ASB15: variants seen among roughly 807,000 people sequenced by gnomAD.
The protein encoded by ASB15 is ankyrin repeat and SOCS box containing 15, also known as ankyrin repeat and SOCS box protein 15.
A neutral mutation model predicts 58.0 loss-of-function variants in ASB15; 54 were observed. The observed-to-expected ratio is 0.93, with a 90% CI of 0.75 to 1.17. ASB15 has a LOEUF of 1.17. Ranked by LOEUF, ASB15 falls within the 50% of genes most tolerant of loss-of-function variation. ASB15 has a pLI of 0.00. For missense variants in ASB15, 680 were observed against 707.4 expected (o/e 0.96, Z 0.44); for synonymous variants, 249 against 262.4 (o/e 0.95, Z 0.50).
chr7:123,578,231 T>C (rs1199654306), intron 1 of ASB15, among the ~76,000 whole-genome samples: 2 of 150,794 alleles, frequency 1.3e-5, no homozygotes, highest in South Asian at 2.1e-4. Context: ...ACAAGCTACC[T>C]GCTGATATTT....
intron 7 of ASB15, among the ~76,000 whole-genome samples, chr7:123,622,139 C>G (rs1373653273): frequency 6.6e-6 from 1 of 152,146 alleles, no homozygotes. Flanking sequence ...ATCTAATTCC[C>G]TAAACTCTTC....
At chr7:123,590,120 T>C (rs2116353852) in intron 1 of ASB15, among the ~76,000 whole-genome samples, 1 of 152,320 alleles carries the variant, frequency 6.6e-6, no homozygotes, top group Non-Finnish European at 1.5e-5. Context: ...AATGTCTTCT[T>C]TTGAGAAGTG....
At chr7:123,590,399 G>A (rs1799501473) in intron 1 of ASB15, among the ~76,000 whole-genome samples, 1 of 152,092 alleles carries the variant, frequency 6.6e-6, no homozygotes, top group Admixed American at 6.6e-5. Flanking sequence ...CTTTGCTCAC[G>A]CCTATGTGCT....
At position 123,639,273 on chromosome 7, in the gene ASB15, A is replaced by G. The variant is rs1802540101; in HGVS notation, c.*2292A>G. ...AATTTTAACTTCTTGTATTCCCTAGAGGATATATTTTATATGTAAGTTAAA... is the reference window on the plus strand; with the variant it reads ...AATTTTAACTTCTTGTATTCCCTAGGGGATATATTTTATATGTAAGTTAAA... On this transcript the variant is annotated 3_prime_UTR_variant, in exon 12 of 12. Transcript: ENST00000451215. 1 of 152,192 alleles carries G rather than the reference A, an allele frequency of 6.6e-6. No homozygotes were observed. The highest frequency in any genetic ancestry group is 1.5e-5 in the Non-Finnish European group (1 of 68,022). 9.4% of individuals were successfully genotyped at this position (152,192 alleles called of 1,614,324 possible).
intron 1 of ASB15, among the ~76,000 whole-genome samples, chr7:123,573,515 T>C (rs970542898): frequency 1.3e-5 from 2 of 152,068 alleles, no homozygotes. Flanking sequence ...GCTCGGCTGG[T>C]GTGCTGATCT....
chr7:123,613,944 G>A (rs778698997), intron 3 of ASB15, among the ~76,000 whole-genome samples: 1 of 152,140 alleles, frequency 6.6e-6, no homozygotes, highest in African/African-American at 2.4e-5. Flanking sequence ...TACTCAGGAG[G>A]CTGAGGAGGG....
At chr7:123,574,430 C>A (rs1400404075) in intron 1 of ASB15, among the ~76,000 whole-genome samples, 1 of 152,044 alleles carries the variant, frequency 6.6e-6, no homozygotes, top group East Asian at 1.9e-4. Flanking sequence ...ATCCCCAGGC[C>A]CCCAGTTTGT....
At chr7:123,604,425 T>C (rs984635398) in intron 2 of ASB15, among the ~76,000 whole-genome samples, 10 of 151,636 alleles carry the variant, frequency 6.6e-5, no homozygotes, top group Non-Finnish European at 4.4e-5. Context: ...CTAATAAAAA[T>C]ACAAAAATTA....
chr7:123,582,519 G>GCT (rs1276186231), intron 1 of ASB15, among the ~76,000 whole-genome samples: 1 of 151,932 alleles, frequency 6.6e-6, no homozygotes, highest in Non-Finnish European at 1.5e-5. Flanking sequence ...TAAAGCTCCT[G>GCT]CTCATTGTCT....
intron 8 of ASB15, 53 bp downstream of exon 8, chr7:123,624,867 CCTT>C: frequency 6.5e-7 from 1 of 1,545,926 alleles, no homozygotes; most frequent in African/African-American, 1.4e-5. Context: ...CTCGAACTCT[CCTT>C]TTCTCCATTC....
intron 6 of ASB15, 75 bp from the exon 7 acceptor site, chr7:123,617,504 T>A: frequency 7.7e-7 from 1 of 1,303,928 alleles, no homozygotes. Flanking sequence ...TATATAATAT[T>A]GGATTGCTCT....
intron 11 of ASB15, among the ~76,000 whole-genome samples, chr7:123,632,486 G>A (rs182821456): frequency 2.3e-4 from 34 of 147,358 alleles, no homozygotes; most frequent in African/African-American, 7.8e-4. Flanking sequence ...GGAACGGGTC[G>A]TGTTGGTTAT....
At position 123,637,451 on chromosome 7, in the gene ASB15, A is replaced by C. The variant is rs1224467359; in HGVS notation, c.*470A>C. 1.3e-5 allele frequency: 2 copies of C among 153,740 alleles called. No individual in the cohort carries two copies. Among genetic ancestry groups the C allele is most frequent in the African/African-American group, 2.4e-5 (1 of 41,466 alleles). The allele number at this position is 153,740 out of a possible 1,614,324, so 9.5% of individuals were successfully genotyped here. A position where few individuals can be genotyped will look rare whatever the true frequency, so the allele number is the denominator to read the frequency against. On this transcript the variant is annotated 3_prime_UTR_variant, in exon 12 of 12. Coordinates refer to ENST00000451215, the MANE Select transcript of ASB15 (RefSeq NM_001290258.2). ...TGACAATCTCTTTGTTGGTAAATTC[A>C]GTGAACATTCTTCAGTCCCTCTTCC...
chr7:123,621,763 G>A (rs552144279), intron 7 of ASB15, among the ~76,000 whole-genome samples: 14 of 152,238 alleles, frequency 9.2e-5, no homozygotes, highest in African/African-American at 3.4e-4. Context: ...GTTTCTTGCT[G>A]AGTGGTAGAT....
Position 123,638,826 on chromosome 7 carries a change from G to A in ASB15, c.*1845G>A, listed in dbSNP as rs1356469910. 2 of 152,176 alleles carry A rather than the reference G, an allele frequency of 1.3e-5. No individual in the cohort carries two copies. The highest frequency in any genetic ancestry group is 2.9e-5 in the Non-Finnish European group (2 of 68,058). 9.4% of individuals were successfully genotyped at this position (152,176 alleles called of 1,614,324 possible). ...GATGGGAAGCCTCAGCACAGAACTT[G>A]TCATGCCATATTATAGATGCCTGTG... On this transcript the variant is annotated 3_prime_UTR_variant, in exon 12 of 12. Coordinates refer to ENST00000451215, the MANE Select transcript of ASB15 (RefSeq NM_001290258.2).
At chr7:123,596,810 A>T (rs1229391831) in intron 1 of ASB15, among the ~76,000 whole-genome samples, 1 of 152,194 alleles carries the variant, frequency 6.6e-6, no homozygotes, top group Non-Finnish European at 1.5e-5. Context: ...CAAAACACAA[A>T]TGCACATGAA....
intron 11 of ASB15, among the ~76,000 whole-genome samples, chr7:123,634,828 G>C (rs967877486): frequency 1.8e-4 from 28 of 152,180 alleles, no homozygotes; most frequent in African/African-American, 6.3e-4. Context: ...CTGCTAATAT[G>C]TAGCCCCCAA....
intron 1 of ASB15, among the ~76,000 whole-genome samples, chr7:123,578,909 T>C (rs910952561): frequency 2.0e-5 from 3 of 152,138 alleles, no homozygotes; most frequent in Non-Finnish European, 4.4e-5. Context: ...CAAGGTATTT[T>C]ATTTTATTTT....
intron 1 of ASB15, among the ~76,000 whole-genome samples, chr7:123,576,914 T>C (rs1799083078): frequency 6.6e-6 from 1 of 152,168 alleles, no homozygotes; most frequent in South Asian, 2.1e-4. Flanking sequence ...ACTTTATTCT[T>C]CTTGTCATTC....
Sources: gnomAD v4.1 joint callset for allele counts (sites outside exome capture counted in the v4.1 genomes callset) on GRCh38, gnomAD v4.1.1 for gene constraint, MANE v1.5 for transcripts, NCBI Gene and HGNC (gene_info 2026-07-23, HGNC 2026-07-21) for gene names.